Variants in DCP1A observed in about 807,000 individuals in gnomAD.
DCP1A encodes mRNA-decapping enzyme 1A.
A neutral mutation model predicts 58.0 loss-of-function variants in DCP1A; 20 were observed. The observed-to-expected ratio is 0.34, with a 90% confidence interval of 0.24 to 0.50. The LOEUF (loss-of-function observed/expected upper bound fraction) is 0.50. Ranked by LOEUF, DCP1A falls within the 20% of genes least tolerant of loss-of-function variation. The probability of loss-of-function intolerance (pLI) is 0.98; values close to 1 mark genes in which losing one functional copy is unlikely to be tolerated. For missense variants in DCP1A, 613 were observed against 712.2 expected (o/e 0.86, Z 1.59); for synonymous variants, 285 against 275.1 (o/e 1.04, Z -0.36).
At chr3:53,302,664 C>T (rs1201833580) in intron 6 of DCP1A, among the ~76,000 whole-genome samples, 1 of 152,194 alleles carries the variant, frequency 6.6e-6, no homozygotes, top group Non-Finnish European at 1.5e-5. Flanking sequence ...GCTCTGTCGC[C>T]TAGGCTGGAG....
intron 2 of DCP1A, 101 bp downstream of exon 2, chr3:53,344,801 A>G: frequency 1.2e-6 from 1 of 848,962 alleles, no homozygotes; most frequent in Non-Finnish European, 1.9e-6. Context: ...GAAGGGTACT[A>G]GCAGGACGGT....
At chr3:53,327,161 G>T (rs1708132830) in intron 3 of DCP1A, among the ~76,000 whole-genome samples, 1 of 152,072 alleles carries the variant, frequency 6.6e-6, no homozygotes, top group Admixed American at 6.5e-5. Context: ...CAGATGGGGT[G>T]TAAAAAAGGG....
chr3:53,333,864 C>G (rs979334176), intron 3 of DCP1A, among the ~76,000 whole-genome samples: 1 of 152,158 alleles, frequency 6.6e-6, no homozygotes, highest in Admixed American at 6.5e-5. Context: ...GTGTATGACT[C>G]ACACAGAGAC....
rs2089274507 is a variant in DCP1A, at chr3:53,344,956, T to C, written c.136-14A>G. 1 of 1,598,404 alleles carries C rather than the reference T, an allele frequency of 6.3e-7. No individual in the cohort carries two copies. The highest frequency in any genetic ancestry group is 8.5e-7 in the Non-Finnish European group (1 of 1,173,300). On this transcript the variant is annotated splice_polypyrimidine_tract_variant and intron_variant, in intron 1 of 9. Coordinates refer to ENST00000610213, the MANE Select transcript of DCP1A (RefSeq NM_018403.7). The stretch of plus-strand genomic sequence containing the variant: ...ATCAGTCTTCTCCTATGAAAGACAA[T>C]GACTCAATTAGTTTTTTTTCCCCAT...
Position 53,287,554 on chromosome 3 carries a change from C to A in DCP1A, c.*26G>T. ...CCTATTTGTCTCTGAGGCTGGGGCTCTGCCTTTAGACTTATTCTGCTCCAG... is the reference window on the plus strand; with the variant it reads ...CCTATTTGTCTCTGAGGCTGGGGCTATGCCTTTAGACTTATTCTGCTCCAG... On this transcript the variant is annotated 3_prime_UTR_variant, in exon 10 of 10. Coordinates refer to ENST00000610213, the MANE Select transcript of DCP1A (RefSeq NM_018403.7). 6.5e-7 allele frequency: 1 copy of A among 1,532,456 alleles called. No homozygotes were observed. The highest frequency in any genetic ancestry group is 9.0e-7 in the Non-Finnish European group (1 of 1,106,826). The allele number at this position is 1,532,456 out of a possible 1,614,324, so 94.9% of individuals were successfully genotyped here.
intron 3 of DCP1A, among the ~76,000 whole-genome samples, chr3:53,327,710 G>A (rs980385443): frequency 1.3e-5 from 2 of 151,796 alleles, no homozygotes; most frequent in Admixed American, 1.3e-4. Context: ...AGAATTGCTT[G>A]AGCCTGGGAG....
chr3:53,333,991 A>C (rs1553691629), intron 3 of DCP1A, among the ~76,000 whole-genome samples: 1 of 151,490 alleles, frequency 6.6e-6, no homozygotes, highest in East Asian at 2.0e-4. Flanking sequence ...GGGCCAGTGC[A>C]GTGGCTCACA....
Position 53,304,230 on chromosome 3 carries a change from T to C in DCP1A, c.571A>G (p.Asn191Asp). The change falls in exon 6 of 10, where the codon AAT (asparagine) becomes GAT (aspartate). Residue 191 changes from asparagine to aspartate, a missense_variant. Around this residue, in one of 3 missense-constraint regions of DCP1A, gnomAD observed 498 missense variants for 556.7 expected, o/e 0.89. Coordinates refer to ENST00000610213, the MANE Select transcript of DCP1A (RefSeq NM_018403.7). Reference sequence around the variant, plus strand: ...TCTAGAGTCTCGGTGCTTCCCAGATTGGAGAGCTGAGTGCTTGGCTGTAAC... The same window carrying C: ...TCTAGAGTCTCGGTGCTTCCCAGATCGGAGAGCTGAGTGCTTGGCTGTAAC... Reference protein sequence around the residue: ...PGLQPSTQLSNLGSTETLEEM... With the variant: ...PGLQPSTQLSDLGSTETLEEM... 1.9e-6 allele frequency: 3 copies of C among 1,613,724 alleles called. No individual in the cohort carries two copies. The highest frequency in any genetic ancestry group is 2.5e-6 in the Non-Finnish European group (3 of 1,179,798).
chr3:53,330,765 T>C (rs1307793316), intron 3 of DCP1A, among the ~76,000 whole-genome samples: 2 of 151,534 alleles, frequency 1.3e-5, no homozygotes, highest in Admixed American at 6.6e-5. Flanking sequence ...AAGGTATGTA[T>C]CCGAGTTAAT....
intron 3 of DCP1A, among the ~76,000 whole-genome samples, chr3:53,335,252 T>C (rs1447284614): frequency 6.6e-6 from 1 of 152,120 alleles, no homozygotes; most frequent in African/African-American, 2.4e-5. Flanking sequence ...GCGATTTTCC[T>C]GCCTCAGCCT....
intron 1 of DCP1A, among the ~76,000 whole-genome samples, chr3:53,346,860 C>T (rs1328819903): frequency 6.6e-6 from 1 of 152,052 alleles, no homozygotes; most frequent in African/African-American, 2.4e-5. Flanking sequence ...TAAAGCCGGA[C>T]CCACCCACCC....
chr3:53,326,385 A>G (rs58144216), intron 3 of DCP1A, among the ~76,000 whole-genome samples: 48,986 of 152,178 alleles, frequency 0.32, 8,627 homozygotes, highest in Middle Eastern at 0.42. Flanking sequence ...GTTAGGATGT[A>G]TATCTGCTAC....
chr3:53,320,122 C>T (rs1470134406), intron 3 of DCP1A, among the ~76,000 whole-genome samples: 2 of 148,602 alleles, frequency 1.3e-5, no homozygotes, highest in African/African-American at 5.0e-5. Flanking sequence ...AGTGAGACTC[C>T]ATCTAAAAAA....
intron 6 of DCP1A, among the ~76,000 whole-genome samples, chr3:53,299,401 G>A (rs554434090): frequency 6.6e-6 from 1 of 152,250 alleles, no homozygotes; most frequent in African/African-American, 2.4e-5. Context: ...TAGTCTGACC[G>A]TTTAGCTCAG....
chr3:53,290,988 T>G, intron 7 of DCP1A, 132 bp from the exon 8 acceptor site: 1 of 777,590 alleles, frequency 1.3e-6, no homozygotes, highest in South Asian at 1.6e-5. Flanking sequence ...AGATATTAAC[T>G]AGTTCCTAGA....
rs1239314450 is a variant in DCP1A at position 53,338,955 on chromosome 3, C to T, written c.304+3189G>A. ...GGTTCACTGTTCTAGTACATTAACT[C>T]CAAAAATTAATTTGAATGAAAGAAG... On this transcript the variant is annotated intron_variant, in intron 3 of 9. Transcript: ENST00000610213. 2.0e-5 allele frequency among the ~76,000 whole-genome samples: 3 copies of T among 151,786 alleles called. 1 individual carries two copies. The East Asian group carries it at 5.8e-4, about 29-fold the overall frequency.
intron 3 of DCP1A, among the ~76,000 whole-genome samples, chr3:53,337,340 A>G (rs1553692052): frequency 6.6e-6 from 1 of 152,232 alleles, no homozygotes. Context: ...GGCCTGTGTT[A>G]TAAGAGAATC....
intron 2 of DCP1A, among the ~76,000 whole-genome samples, chr3:53,342,557 T>G (rs1427796213): frequency 1.3e-5 from 2 of 152,180 alleles, no homozygotes; most frequent in Non-Finnish European, 2.9e-5. Context: ...ATGGCTCTTC[T>G]CCAGCTCCTA....
chr3:53,337,574 T>C (rs1336385185), intron 3 of DCP1A, among the ~76,000 whole-genome samples: 1 of 152,252 alleles, frequency 6.6e-6, no homozygotes, highest in African/African-American at 2.4e-5. Flanking sequence ...CAGAATAGAA[T>C]TCTTATCTGC....
Sources: gnomAD v4.1 joint callset for allele counts (sites outside exome capture counted in the v4.1 genomes callset) on GRCh38, gnomAD v4.1.1 for gene constraint, gnomAD v4.1.1 regional missense constraint, MANE v1.5 for transcripts, NCBI Gene and HGNC (gene_info 2026-07-23, HGNC 2026-07-21) for gene names.